Variants in EYS observed in about 807,000 individuals in gnomAD.
The protein encoded by EYS is protein eyes shut homolog.
Under a neutral mutation model 282.1 loss-of-function variants are expected in EYS, and 250 were observed. That is an observed-to-expected ratio of 0.89 (90% confidence interval 0.80 to 0.98). EYS has a LOEUF of 0.98. Among genes scored for constraint, EYS ranks in the 50% least tolerant of loss-of-function variants. The probability of loss-of-function intolerance (pLI) is 0.00; values close to 1 mark genes in which losing one functional copy is unlikely to be tolerated. For missense variants in EYS, 4,016 were observed against 3,709.0 expected (o/e 1.08, Z -2.15); for synonymous variants, 1,355 against 1,282.9 (o/e 1.06, Z -1.20).
chr6:63,799,005 A>ATGTG (rs1238856351), intron 37 of EYS, among the ~76,000 whole-genome samples: 8 of 133,488 alleles, frequency 6.0e-5, no homozygotes, highest in South Asian at 2.3e-4. Context: ...ATATATATAT[A>ATGTG]TATATATATA....
At chr6:63,980,815 G>A (rs1191747961) in intron 35 of EYS, among the ~76,000 whole-genome samples, 1 of 151,874 alleles carries the variant, frequency 6.6e-6, no homozygotes, top group Non-Finnish European at 1.5e-5. Context: ...CAAAGGATGA[G>A]AAGGACTGGA....
Position 64,349,113 on chromosome 6 carries a change from C to A in EYS, c.6078+39577G>T, listed in dbSNP as rs151245216. On this transcript the variant is annotated intron_variant, in intron 29 of 42. Transcript: ENST00000503581. ...AACAAAATCTTTTCATCAACATCAG[C>A]AAATTATTGGAATATACGCTCAGTT... 2.3e-4 allele frequency among the ~76,000 whole-genome samples: 35 copies of A among 151,182 alleles called. 1 individual carries two copies. The highest frequency in any genetic ancestry group is 1.4e-3 in the Admixed American group (21 of 15,138).
intron 7 of EYS, among the ~76,000 whole-genome samples, chr6:65,398,447 A>G (rs1294722343): frequency 6.6e-6 from 1 of 152,008 alleles, no homozygotes; most frequent in Admixed American, 6.6e-5. Flanking sequence ...CTAGACCCCT[A>G]TCTTTTACCA....
At chr6:64,526,492 C>A (rs1005607001) in intron 26 of EYS, among the ~76,000 whole-genome samples, 2 of 151,718 alleles carry the variant, frequency 1.3e-5, no homozygotes, top group Admixed American at 6.6e-5. Flanking sequence ...TTTTTCCAGA[C>A]TTAAAATATA....
At chr6:64,560,887 A>G (rs1279878672) in intron 26 of EYS, among the ~76,000 whole-genome samples, 1 of 152,064 alleles carries the variant, frequency 6.6e-6, no homozygotes, top group Non-Finnish European at 1.5e-5. Flanking sequence ...AGACACAGCA[A>G]AAAAAGAAAA....
intron 31 of EYS, 22 bp from the exon 32 acceptor site, chr6:64,082,024 A>T: frequency 6.9e-7 from 1 of 1,445,790 alleles, no homozygotes; most frequent in Non-Finnish European, 9.4e-7. Flanking sequence ...AATGGTATTA[A>T]TATGTTCTGA....
chr6:64,757,893 T>C (rs1399791220), intron 22 of EYS, among the ~76,000 whole-genome samples: 4 of 152,078 alleles, frequency 2.6e-5, no homozygotes, highest in African/African-American at 9.7e-5. Context: ...CACGCCGTTC[T>C]CCTGCCTCAG....
intron 12 of EYS, among the ~76,000 whole-genome samples, chr6:65,221,247 A>T (rs1766456245): frequency 6.6e-6 from 1 of 152,024 alleles, no homozygotes; most frequent in Non-Finnish European, 1.5e-5. Context: ...TTAATCACCA[A>T]GACAATGGGG....
chr6:65,438,226 T>C (rs1053765267), intron 5 of EYS, among the ~76,000 whole-genome samples: 7 of 152,102 alleles, frequency 4.6e-5, no homozygotes, highest in African/African-American at 1.4e-4. Flanking sequence ...ATGGTGTATA[T>C]GTGCCACATT....
At chr6:65,214,702 C>T (rs951996937) in intron 12 of EYS, among the ~76,000 whole-genome samples, 1 of 152,188 alleles carries the variant, frequency 6.6e-6, no homozygotes, top group Non-Finnish European at 1.5e-5. Flanking sequence ...AAGATTTTCA[C>T]AGCTATGGAG....
At chr6:64,968,379 C>T (rs137904067) in intron 14 of EYS, among the ~76,000 whole-genome samples, 101 of 152,114 alleles carry the variant, frequency 6.6e-4, no homozygotes, top group Non-Finnish European at 1.1e-3. Context: ...AATAATTTTG[C>T]TGATCAAATA....
At chr6:64,481,578 G>A (rs1018826351) in intron 26 of EYS, among the ~76,000 whole-genome samples, 1 of 151,198 alleles carries the variant, frequency 6.6e-6, no homozygotes. Context: ...AGATTAATAC[G>A]AAATTTAGTA....
chr6:64,578,961 G>T (rs935582431), intron 26 of EYS, among the ~76,000 whole-genome samples: 1 of 152,098 alleles, frequency 6.6e-6, no homozygotes, highest in Admixed American at 6.6e-5. Context: ...CATGCTTCAA[G>T]TATAAATAGA....
chr6:65,291,484 T>C (rs1416417984), intron 12 of EYS, among the ~76,000 whole-genome samples: 1 of 151,530 alleles, frequency 6.6e-6, no homozygotes, highest in Admixed American at 6.6e-5. Flanking sequence ...AGTGAGGTTG[T>C]ATATTTATCT....
chr6:65,056,083 C>T (rs969203487), intron 13 of EYS, among the ~76,000 whole-genome samples: 2 of 152,046 alleles, frequency 1.3e-5, no homozygotes, highest in Non-Finnish European at 2.9e-5. Context: ...TTCAACCATA[C>T]ATTTCCATTA....
chr6:63,930,574 T>C (rs761229665), intron 35 of EYS, among the ~76,000 whole-genome samples: 9 of 152,330 alleles, frequency 5.9e-5, no homozygotes, highest in African/African-American at 2.2e-4. Context: ...TTTTTTTAAC[T>C]GATTACCAAA....
At chr6:64,503,891 A>C (rs1230797629) in intron 26 of EYS, among the ~76,000 whole-genome samples, 1 of 152,088 alleles carries the variant, frequency 6.6e-6, no homozygotes, top group Non-Finnish European at 1.5e-5. Flanking sequence ...GTGAGTTCTC[A>C]CAAGATCTGA....
chr6:65,067,394 A>G (rs9354210), intron 12 of EYS, among the ~76,000 whole-genome samples: 6,990 of 152,234 alleles, frequency 0.046, 215 homozygotes, highest in Middle Eastern at 0.068. Context: ...CTAAGATGCC[A>G]CAGATTGCTC....
intron 36 of EYS, among the ~76,000 whole-genome samples, chr6:63,825,858 C>T (rs1030035798): frequency 2.0e-5 from 3 of 152,140 alleles, no homozygotes; most frequent in South Asian, 4.1e-4. Context: ...TCAAAAATCA[C>T]ACTAGTTCAC....
Sources: gnomAD v4.1 joint callset for allele counts (sites outside exome capture counted in the v4.1 genomes callset) on GRCh38, gnomAD v4.1.1 for gene constraint, MANE v1.5 for transcripts, NCBI Gene and HGNC (gene_info 2026-07-23, HGNC 2026-07-21) for gene names.